The following EXTL3 variants were observed in gnomAD, a reference collection of about 807,000 sequenced individuals.
EXTL3 encodes the protein exostosin like glycosyltransferase 3.
EXTL3 carries 27 observed loss-of-function variants against 69.3 expected under a neutral mutation model. The ratio of observed to expected loss-of-function variants is 0.39; its 90% CI spans 0.29 to 0.54. The LOEUF is 0.54. EXTL3 is among the 20% of genes least tolerant of loss of function. The pLI is 0.69. For missense variants in EXTL3, 1,003 were observed against 1,231.8 expected (o/e 0.81, Z 2.78); for synonymous variants, 511 against 499.4 (o/e 1.02, Z -0.31).
chr8:28,641,020 C>T (rs1321747194), intron 1 of EXTL3, among the ~76,000 whole-genome samples: 2 of 152,106 alleles, frequency 1.3e-5, no homozygotes, highest in Non-Finnish European at 1.5e-5. Context: ...GGATCCTGTA[C>T]ATCTCAATAG....
intron 1 of EXTL3, among the ~76,000 whole-genome samples, chr8:28,661,058 T>C (rs1047860389): frequency 1.3e-5 from 2 of 151,486 alleles, no homozygotes; most frequent in South Asian, 2.1e-4. Context: ...GGACTACAGG[T>C]GCCTGCCACC....
At chr8:28,677,410 C>T (rs1463081622) in intron 1 of EXTL3, among the ~76,000 whole-genome samples, 1 of 152,064 alleles carries the variant, frequency 6.6e-6, no homozygotes, top group Admixed American at 6.6e-5. Context: ...GCTGTAACTT[C>T]CGAGTACAGA....
intron 1 of EXTL3, among the ~76,000 whole-genome samples, chr8:28,670,417 A>G (rs1807268046): frequency 6.6e-6 from 1 of 152,186 alleles, no homozygotes; most frequent in Admixed American, 6.6e-5. Context: ...TCACACAATT[A>G]TGAAGGCTGA....
At position 28,719,127 on chromosome 8, in the gene EXTL3, C is replaced by T. The variant is rs76048097; in HGVS notation, c.2148+920C>T. On this transcript the variant is annotated intron_variant, in intron 3 of 6. Transcript: ENST00000220562. ...ATGGGCCACACGTTGCTAGAAGTCT[C>T]GGTTTTTAAAAAATGTACTTCACTG... Among the ~76,000 whole-genome samples, 499 of 152,174 alleles carry T rather than the reference C, an allele frequency of 3.3e-3. 8 individuals carry two copies. Among genetic ancestry groups the T allele is most frequent in the Admixed American group, 0.021 (325 of 15,296 alleles).
chr8:28,657,383 C>T (rs2130614627), intron 1 of EXTL3, among the ~76,000 whole-genome samples: 1 of 152,380 alleles, frequency 6.6e-6, no homozygotes, highest in South Asian at 2.1e-4. Context: ...TCTGCATCCA[C>T]TGCCCTTTCT....
intron 3 of EXTL3, among the ~76,000 whole-genome samples, chr8:28,722,484 A>T (rs1323821249): frequency 6.6e-6 from 1 of 152,190 alleles, no homozygotes; most frequent in Non-Finnish European, 1.5e-5. Context: ...TTTCCAAATG[A>T]AAATGATAGT....
intron 1 of EXTL3, among the ~76,000 whole-genome samples, chr8:28,659,220 A>G (rs142990647): frequency 5.5e-4 from 83 of 150,174 alleles, no homozygotes; most frequent in Non-Finnish European, 1.0e-3. Context: ...TACTTCTTAT[A>G]TGTTGCTTTG....
intron 6 of EXTL3, among the ~76,000 whole-genome samples, chr8:28,746,768 C>T (rs931574348): frequency 1.3e-4 from 20 of 152,216 alleles, no homozygotes; most frequent in Admixed American, 3.9e-4. Flanking sequence ...CTCTGCCTCC[C>T]GGGTTCAAGC....
intron 1 of EXTL3, among the ~76,000 whole-genome samples, chr8:28,675,449 C>T (rs1344229194): frequency 1.3e-5 from 2 of 152,134 alleles, no homozygotes; most frequent in Non-Finnish European, 2.9e-5. Flanking sequence ...CATAAATACC[C>T]CTAAGGAAAA....
intron 1 of EXTL3, among the ~76,000 whole-genome samples, chr8:28,702,481 G>T (rs1800830317): frequency 6.6e-6 from 1 of 152,244 alleles, no homozygotes; most frequent in Non-Finnish European, 1.5e-5. Flanking sequence ...CCCACATTGA[G>T]CGAGAGCTTC....
At chr8:28,619,372 C>A (rs530532461), upstream of EXTL3, among the ~76,000 whole-genome samples, 2 of 144,268 alleles carry the variant, frequency 1.4e-5, no homozygotes, top group South Asian at 4.6e-4. Context: ...GCAAGGTCTC[C>A]TGGGGGAGAA....
intron 1 of EXTL3, among the ~76,000 whole-genome samples, chr8:28,649,337 C>G (rs1316134684): frequency 6.6e-6 from 1 of 152,210 alleles, no homozygotes; most frequent in African/African-American, 2.4e-5. Flanking sequence ...GTGCTTGTCC[C>G]AGTTGATGGT....
chr8:28,619,895 G>T (rs1363189956), upstream of EXTL3, among the ~76,000 whole-genome samples: 1 of 97,724 alleles, frequency 1.0e-5, no homozygotes, highest in South Asian at 3.7e-4. Flanking sequence ...TTTTGAGACG[G>T]AGTCTCGCTC....
chr8:28,683,726 C>T (rs10110394), intron 1 of EXTL3, among the ~76,000 whole-genome samples: 1 of 151,880 alleles, frequency 6.6e-6, no homozygotes, highest in Admixed American at 6.6e-5. Context: ...AGGAGAATGG[C>T]GAGAACCCAG....
At chr8:28,720,014 A>G (rs1476398894) in intron 3 of EXTL3, among the ~76,000 whole-genome samples, 1 of 152,208 alleles carries the variant, frequency 6.6e-6, no homozygotes, top group Non-Finnish European at 1.5e-5. Context: ...CAGCTTTCTC[A>G]TATTAGCAAT....
Position 28,731,326 on chromosome 8 carries a change from A to T in EXTL3, c.2252A>T (p.His751Leu), listed in dbSNP as rs752177046. 6.2e-7 allele frequency: 1 copy of T among 1,614,264 alleles called. No individual in the cohort carries two copies. The highest frequency in any genetic ancestry group is 1.7e-5 in the Admixed American group (1 of 60,036). Reference protein sequence around the residue: ...LSIDDDAHLRHDEIMFGFRVW... With the variant: ...LSIDDDAHLRLDEIMFGFRVW... The stretch of plus-strand genomic sequence containing the variant: ...ATTGATGACGATGCTCACCTCCGCC[A>T]TGACGAAATCATGTTTGGGTTCCGG... Residue 751 changes from histidine (H) to leucine (L), a missense_variant, in exon 4 of 7, where the codon CAT (histidine) becomes CTT (leucine). This residue lies in a region of EXTL3 where 261 missense variants were observed against 416.4 expected (regional missense o/e 0.63). Coordinates refer to ENST00000220562, the MANE Select transcript of EXTL3 (RefSeq NM_001440.4).
At chr8:28,609,002 G>A (rs1294215820) in intron 2 of EXTL3, among the ~76,000 whole-genome samples, 1 of 152,150 alleles carries the variant, frequency 6.6e-6, no homozygotes, top group African/African-American at 2.4e-5. Flanking sequence ...CTTGTGTTGG[G>A]TGATCTGAGA....
At chr8:28,680,404 A>C (rs75557415) in intron 1 of EXTL3, among the ~76,000 whole-genome samples, 2 of 141,032 alleles carry the variant, frequency 1.4e-5, no homozygotes, top group African/African-American at 2.6e-5. Context: ...AAAAAAAAAA[A>C]ACAGCATACT....
rs1802064815 is a variant in EXTL3 at position 28,753,844 on chromosome 8, T to C, written c.*2978T>C. ...GGGAGGCAGCCTGACCAGGCCCTGG[T>C]GTGGGCTGTGGACCAGAGATGGGTG... is the stretch of plus-strand genomic sequence containing the variant. On this transcript the variant is annotated 3_prime_UTR_variant, in exon 7 of 7. Transcript: ENST00000220562. 2 of 152,290 alleles carry C rather than the reference T, an allele frequency of 1.3e-5. No individual in the cohort carries two copies. The highest frequency in any genetic ancestry group is 4.2e-4 in the South Asian group (2 of 4,816). The allele number at this position is 152,290 out of a possible 1,614,324, so 9.4% of individuals were successfully genotyped here. A position where few individuals can be genotyped will look rare whatever the true frequency, so the allele number is the denominator to read the frequency against.
Sources: allele counts gnomAD v4.1 joint callset (sites outside exome capture counted in the v4.1 genomes callset), GRCh38; gene constraint gnomAD v4.1.1; regional missense constraint gnomAD v4.1.1; transcripts MANE v1.5; gene names NCBI Gene and HGNC (gene_info 2026-07-23, HGNC 2026-07-21).